Variants in RBFOX1 observed in about 807,000 individuals in gnomAD.
RBFOX1 encodes the protein RNA binding protein fox-1 homolog 1.
In RBFOX1, 8 loss-of-function variants were observed where a neutral mutation model predicts 57.7. The ratio of observed to expected loss-of-function variants is 0.14; its 90% confidence interval spans 0.08 to 0.25. The LOEUF (loss-of-function observed/expected upper bound fraction) is 0.25, where lower values mean the gene tolerates loss of function less well. Among genes scored for constraint, RBFOX1 ranks in the 10% least tolerant of loss-of-function variants. The pLI, the probability that RBFOX1 is intolerant of heterozygous loss-of-function variation, is 1.00. For missense variants in RBFOX1, 611 were observed against 548.5 expected, an observed-to-expected ratio of 1.11 and a Z score of -1.14; for synonymous variants, 326 against 222.4, an observed-to-expected ratio of 1.47 and a Z score of -4.15.
At chr16:6,633,656 A>G (rs2098407941) in intron 2 of RBFOX1, among the ~76,000 whole-genome samples, 1 of 152,046 alleles carries the variant, frequency 6.6e-6, no homozygotes, top group Non-Finnish European at 1.5e-5. Flanking sequence ...TCAAGTAGTT[A>G]CTTGGTTTCC....
chr16:6,988,163 A>G (rs942503437), intron 3 of RBFOX1, among the ~76,000 whole-genome samples: 2 of 152,234 alleles, frequency 1.3e-5, no homozygotes, highest in African/African-American at 2.4e-5. Flanking sequence ...AAAGAGAAAC[A>G]CAGCAGAGTT....
rs188570272 is a variant in RBFOX1, at chr16:7,084,288, A to G, written c.27+32190A>G. On this transcript the variant is annotated intron_variant, in intron 4 of 15. Transcript: ENST00000550418. ...TAGAGGTATGAACTAATATATATGT[A>G]TGAAATACATATATACACACACACT... Among the ~76,000 whole-genome samples the G allele has an allele frequency of 3.7e-3, 569 of 152,242 alleles. 2 individuals carry two copies. Among genetic ancestry groups the G allele is most frequent in the Admixed American group, 8.6e-3 (132 of 15,280 alleles).
chr16:6,720,690 A>G (rs1234127254), intron 3 of RBFOX1, among the ~76,000 whole-genome samples: 1 of 152,202 alleles, frequency 6.6e-6, no homozygotes, highest in East Asian at 1.9e-4. Flanking sequence ...AGAGCTAGAG[A>G]GACCAGGGTG....
At chr16:6,345,732 C>G (rs541985755) in intron 2 of RBFOX1, among the ~76,000 whole-genome samples, 4 of 152,328 alleles carry the variant, frequency 2.6e-5, no homozygotes, top group Non-Finnish European at 4.4e-5. Flanking sequence ...CCCATACAAT[C>G]TAAGACTGGT....
chr16:7,668,922 G>T (rs1051388649), intron 13 of RBFOX1, among the ~76,000 whole-genome samples: 3 of 152,198 alleles, frequency 2.0e-5, no homozygotes, highest in Admixed American at 2.0e-4. Flanking sequence ...GATGTTTTTT[G>T]AGGTGGAATC....
chr16:6,993,023 T>C (rs2091749128), intron 3 of RBFOX1, among the ~76,000 whole-genome samples: 1 of 152,166 alleles, frequency 6.6e-6, no homozygotes, highest in Non-Finnish European at 1.5e-5. Flanking sequence ...TGTCTGAATT[T>C]CTGATAGATT....
At chr16:7,328,917 A>T (rs1281201451) in intron 4 of RBFOX1, 2 of 152,204 alleles carry the variant, frequency 1.3e-5, no homozygotes, top group Admixed American at 6.5e-5. Flanking sequence ...CTGTTTTTGT[A>T]TAATCTTCGA....
At chr16:6,396,064 TC>T (rs1209059409) in intron 2 of RBFOX1, among the ~76,000 whole-genome samples, 5 of 37,902 alleles carry the variant, frequency 1.3e-4, no homozygotes, top group African/African-American at 1.2e-3. Context: ...AGACTCCTTC[TC>T]AAAAAAAAAA....
chr16:5,732,112 T>C (rs937095609), intron 3 of RBFOX1, among the ~76,000 whole-genome samples: 7 of 152,220 alleles, frequency 4.6e-5, no homozygotes, highest in Non-Finnish European at 8.8e-5. Flanking sequence ...TTATCCACTT[T>C]TAGAATTTGA....
intron 2 of RBFOX1, among the ~76,000 whole-genome samples, chr16:6,598,734 T>C (rs1383720775): frequency 5.9e-5 from 9 of 151,894 alleles, no homozygotes; most frequent in African/African-American, 2.2e-4. Context: ...GATCACGAGG[T>C]TGGGAGTTCG....
chr16:6,535,064 A>C (rs2096716410), intron 2 of RBFOX1, among the ~76,000 whole-genome samples: 1 of 152,114 alleles, frequency 6.6e-6, no homozygotes, highest in Non-Finnish European at 1.5e-5. Context: ...CCTGCAGCAA[A>C]AGCCAGGTTG....
In RBFOX1 at chr16:7,276,257, T is replaced by A. The variant is rs976442334; in HGVS notation, c.27+224159T>A. The stretch of plus-strand genomic sequence containing the variant: ...TGGCTGCAGACTTTGTGTCATGAAA[T>A]GGTGATAATTTCCCCACGCCCCATA... On this transcript the variant is annotated intron_variant, in intron 4 of 15. Coordinates refer to ENST00000550418, the MANE Select transcript of RBFOX1 (RefSeq NM_018723.4). 2.6e-5 allele frequency among the ~76,000 whole-genome samples: 4 copies of A among 152,078 alleles called. No homozygotes were observed. In the East Asian group the frequency reaches 7.7e-4, roughly 29 times the overall value.
At chr16:6,655,446 T>C (rs951537178) in intron 3 of RBFOX1, among the ~76,000 whole-genome samples, 1 of 134,060 alleles carries the variant, frequency 7.5e-6, no homozygotes, top group Non-Finnish European at 1.5e-5. Flanking sequence ...AACACATTCA[T>C]ATGAGCAACA....
chr16:6,901,373 C>T (rs1331327406), intron 3 of RBFOX1, among the ~76,000 whole-genome samples: 5 of 152,070 alleles, frequency 3.3e-5, no homozygotes, highest in Non-Finnish European at 5.9e-5. Flanking sequence ...GCCAGGGGTG[C>T]AAAATCAAAG....
chr16:6,499,315 C>T (rs943435470), intron 2 of RBFOX1, among the ~76,000 whole-genome samples: 1 of 151,992 alleles, frequency 6.6e-6, no homozygotes, highest in East Asian at 1.9e-4. Flanking sequence ...CTAATCGAGC[C>T]ATTATGCCTG....
At chr16:6,140,950 G>C (rs1339225031) in intron 1 of RBFOX1, among the ~76,000 whole-genome samples, 3 of 152,156 alleles carry the variant, frequency 2.0e-5, no homozygotes, top group Non-Finnish European at 4.4e-5. Context: ...TGTAGTCTCA[G>C]CTCGTATTCT....
chr16:5,888,185 G>A (rs145620261), intron 4 of RBFOX1, among the ~76,000 whole-genome samples: 100 of 152,182 alleles, frequency 6.6e-4, no homozygotes, highest in African/African-American at 2.3e-3. Context: ...CTGCCCCAGC[G>A]CCTTTGCAGA....
intron 3 of RBFOX1, among the ~76,000 whole-genome samples, chr16:6,737,162 A>C (rs2070621590): frequency 6.6e-6 from 1 of 152,222 alleles, no homozygotes; most frequent in African/African-American, 2.4e-5. Context: ...AGCTGTAAAG[A>C]ATATTGGCAA....
intron 4 of RBFOX1, among the ~76,000 whole-genome samples, chr16:7,269,152 C>G (rs1467150380): frequency 6.7e-6 from 1 of 148,542 alleles, no homozygotes; most frequent in East Asian, 2.1e-4. Flanking sequence ...ATTAAAGATT[C>G]TTAAACCAAT....
Sources: allele counts gnomAD v4.1 joint callset (sites outside exome capture counted in the v4.1 genomes callset), GRCh38; gene constraint gnomAD v4.1.1; transcripts MANE v1.5; gene names NCBI Gene and HGNC (gene_info 2026-07-23, HGNC 2026-07-21).